APBA2: variants seen among roughly 807,000 people sequenced by gnomAD.
APBA2 encodes amyloid beta precursor protein binding family A member 2.
APBA2 carries 30 observed loss-of-function variants against 75.0 expected under a neutral mutation model. The observed-to-expected ratio is 0.40, with a 90% CI of 0.30 to 0.54. The LOEUF (loss-of-function observed/expected upper bound fraction) is 0.54. APBA2 is among the 20% of genes least tolerant of loss of function. The pLI is 0.49. For missense variants in APBA2, 801 were observed against 1,016.1 expected (o/e 0.79, Z 2.88); for synonymous variants, 444 against 409.6 (o/e 1.08, Z -1.01).
rs184976038 is a variant in APBA2 at position 29,020,970 on chromosome 15, G to A, written c.-41+25164G>A. Among the ~76,000 whole-genome samples the A allele has an allele frequency of 5.7e-3, 861 of 152,266 alleles. 3 individuals are homozygous for A. The highest frequency in any genetic ancestry group is 8.9e-3 in the Admixed American group (136 of 15,282). ...CACGAACCTCAGACAATATATAAGC[G>A]TTCTGGGGGGTCGGGAGAGTCCCAA... is the stretch of plus-strand genomic sequence containing the variant. On this transcript the variant is annotated intron_variant, in intron 3 of 14. Coordinates refer to ENST00000683413, the MANE Select transcript of APBA2 (RefSeq NM_001353788.2).
intron 1 of APBA2, among the ~76,000 whole-genome samples, chr15:28,908,320 T>A (rs576308226): frequency 3.1e-4 from 47 of 149,814 alleles, no homozygotes; most frequent in Non-Finnish European, 6.0e-4. Context: ...TTCTTGTTTT[T>A]TTTTTTTTGA....
intron 12 of APBA2, 70 bp downstream of exon 12, chr15:29,106,889 A>G: frequency 1.4e-6 from 2 of 1,447,912 alleles, no homozygotes; most frequent in Non-Finnish European, 1.9e-6. Flanking sequence ...ACTTTGCTGC[A>G]ATCCCCACTT....
intron 1 of APBA2, among the ~76,000 whole-genome samples, chr15:28,898,776 C>T (rs1419090481): frequency 6.6e-6 from 1 of 152,182 alleles, no homozygotes; most frequent in Non-Finnish European, 1.5e-5. Context: ...ATGGCTTCTT[C>T]TACTGCTAGA....
At chr15:29,108,180 C>T (rs961031383) in intron 12 of APBA2, 90 bp from the exon 13 acceptor site, 43 of 1,585,948 alleles carry the variant, frequency 2.7e-5, no homozygotes, top group South Asian at 2.1e-4. Flanking sequence ...TCACTGCCCC[C>T]GGCCTCCACC....
intron 4 of APBA2, among the ~76,000 whole-genome samples, chr15:29,068,589 C>T (rs2042481157): frequency 1.3e-5 from 2 of 152,222 alleles, no homozygotes; most frequent in Non-Finnish European, 2.9e-5. Flanking sequence ...CAAATGGACA[C>T]AGAATGGCAC....
At chr15:28,886,516 C>CGGGCG (rs2031737711) in intron 1 of APBA2, among the ~76,000 whole-genome samples, 1 of 31,394 alleles carries the variant, frequency 3.2e-5, no homozygotes. Flanking sequence ...GACGGGTGGG[C>CGGGCG]GGGCGGGGCG....
At chr15:29,060,809 T>G (rs973550283) in intron 4 of APBA2, among the ~76,000 whole-genome samples, 12 of 152,140 alleles carry the variant, frequency 7.9e-5, no homozygotes, top group Admixed American at 2.6e-4. Context: ...ATGCAGTGAT[T>G]AAGGAATACA....
chr15:28,914,857 A>G (rs2033592298), intron 1 of APBA2, among the ~76,000 whole-genome samples: 1 of 151,912 alleles, frequency 6.6e-6, no homozygotes, highest in Admixed American at 6.6e-5. Flanking sequence ...TGAGGTCGTC[A>G]TCGCTGTGTG....
At chr15:28,967,823 T>C (rs971425882) in intron 2 of APBA2, among the ~76,000 whole-genome samples, 15 of 152,336 alleles carry the variant, frequency 9.8e-5, no homozygotes, top group African/African-American at 3.6e-4. Flanking sequence ...TTAAGCATTG[T>C]TTAGGTGTAC....
intron 4 of APBA2, among the ~76,000 whole-genome samples, chr15:29,064,435 A>G (rs2042287725): frequency 6.6e-6 from 1 of 152,140 alleles, no homozygotes; most frequent in Non-Finnish European, 1.5e-5. Flanking sequence ...TTTGAAACTC[A>G]TTCTAGAGGG....
At chr15:28,900,330 C>T (rs1472376268) in intron 1 of APBA2, among the ~76,000 whole-genome samples, 1 of 152,184 alleles carries the variant, frequency 6.6e-6, no homozygotes, top group African/African-American at 2.4e-5. Context: ...GTCGTGGTGA[C>T]GGCAGCATTG....
At chr15:29,004,836 C>G (rs960530011) in intron 3 of APBA2, among the ~76,000 whole-genome samples, 1 of 152,178 alleles carries the variant, frequency 6.6e-6, no homozygotes, top group African/African-American at 2.4e-5. Flanking sequence ...CATGCCACCA[C>G]GCCTGACTAA....
At chr15:28,966,077 AT>A (rs1042311533) in intron 2 of APBA2, among the ~76,000 whole-genome samples, 4 of 149,232 alleles carry the variant, frequency 2.7e-5, no homozygotes, top group African/African-American at 5.2e-5. Context: ...CATGATTTTA[AT>A]TTTTTTGAAT....
chr15:29,087,301 A>G (rs2043332634), intron 6 of APBA2, among the ~76,000 whole-genome samples: 1 of 151,864 alleles, frequency 6.6e-6, no homozygotes, highest in Non-Finnish European at 1.5e-5. Context: ...CTGGGAAGTC[A>G]TTCTCCCCAC....
chr15:28,951,031 C>A (rs2035839511), intron 2 of APBA2, among the ~76,000 whole-genome samples: 1 of 152,096 alleles, frequency 6.6e-6, no homozygotes, highest in Non-Finnish European at 1.5e-5. Context: ...GTGAGTTCTG[C>A]ATCTGTGGAT....
At chr15:28,978,255 A>G (rs2037443617) in intron 2 of APBA2, among the ~76,000 whole-genome samples, 1 of 152,236 alleles carries the variant, frequency 6.6e-6, no homozygotes, top group Admixed American at 6.5e-5. Context: ...GTTGCAGTGC[A>G]GAAGCCATAA....
chr15:29,074,568 C>T (rs1466712798), intron 4 of APBA2, among the ~76,000 whole-genome samples: 31 of 152,106 alleles, frequency 2.0e-4, no homozygotes, highest in Non-Finnish European at 7.4e-5. Context: ...AAGAGGAAGA[C>T]ATTCTGAAGG....
In APBA2 at chr15:29,072,733, G is replaced by A. The variant is rs75998452; in HGVS notation, c.952-2188G>A. On this transcript the variant is annotated intron_variant, in intron 4 of 14. Transcript: ENST00000683413. ...CAGCAGTCCCAGACAAACCAGAGCC[G>A]GGCCTTTGGTCATGCCAGGACAGCA... 5.3e-4 allele frequency among the ~76,000 whole-genome samples: 80 copies of A among 152,234 alleles called. No homozygotes were observed. The East Asian group carries it at 0.015, about 28-fold the overall frequency.
chr15:29,018,201 A>G (rs958122830), intron 3 of APBA2, among the ~76,000 whole-genome samples: 1 of 152,166 alleles, frequency 6.6e-6, no homozygotes, highest in African/African-American at 2.4e-5. Context: ...CGGTAGGTAG[A>G]AATACAGATT....
Sources: allele counts gnomAD v4.1 joint callset (sites outside exome capture counted in the v4.1 genomes callset), GRCh38; gene constraint gnomAD v4.1.1; transcripts MANE v1.5; gene names NCBI Gene and HGNC (gene_info 2026-07-23, HGNC 2026-07-21).